Variants in RIOK1 observed in about 807,000 individuals in gnomAD.
The protein encoded by RIOK1 is serine/threonine-protein kinase RIO1.
A neutral mutation model predicts 73.5 loss-of-function variants in RIOK1; 66 were observed. The observed-to-expected ratio is 0.90, with a 90% CI of 0.74 to 1.10. RIOK1 has a LOEUF of 1.10. Ranked by LOEUF, RIOK1 falls within the 50% of genes least tolerant of loss-of-function variation. The pLI, the probability that RIOK1 is intolerant of heterozygous loss-of-function variation, is 0.00. For synonymous variants in RIOK1, 224 were observed against 226.8 expected, an observed-to-expected ratio of 0.99 and a Z score of 0.11; for missense variants, 658 against 699.8, an observed-to-expected ratio of 0.94 and a Z score of 0.67.
intron 3 of RIOK1, among the ~76,000 whole-genome samples, chr6:7,396,140 A>G (rs1185585282): frequency 1.3e-5 from 2 of 152,196 alleles, no homozygotes; most frequent in Non-Finnish European, 2.9e-5. Flanking sequence ...GTTCGATGCC[A>G]GGCATCAGAA....
In RIOK1 at chr6:7,394,803, A is replaced by G. The variant is rs371946445; in HGVS notation, c.277-250A>G. Among the ~76,000 whole-genome samples, 27 of 152,342 alleles carry G rather than the reference A, an allele frequency of 1.8e-4. No homozygotes were observed. The South Asian group carries it at 5.6e-3, about 32-fold the overall frequency. ...TACACTTAATTTTAATCTGTTACTT[A>G]TAATAAGAGGAATCATAGAGAAGTT... On this transcript the variant is annotated intron_variant, in intron 2 of 16. Transcript: ENST00000379834.
rs796477910 is a variant in RIOK1 at position 7,402,834 on chromosome 6, G to T, written c.704G>T (p.Cys235Phe). 1 of 1,613,404 alleles carries T rather than the reference G, an allele frequency of 6.2e-7. No homozygotes were observed. Among genetic ancestry groups the T allele is most frequent in the Admixed American group, 1.7e-5 (1 of 59,924 alleles). Residue 235 changes from cysteine to phenylalanine, a missense_variant, in exon 8 of 17, where the codon TGT becomes TTT. Cys to Phe is a radical substitution (Grantham distance 205, BLOSUM62 -2). Transcript: ENST00000379834. The stretch of plus-strand genomic sequence containing the variant: ...TATTCAAGATTTCGTCATGGCTATT[G>T]TAAAGGAAACCCTAGGAAAATGGTG... ...SGEFRFRHGY[C>F]KGNPRKMVKT...
rs578189827 is a variant in RIOK1, at chr6:7,404,978, A to G, written c.1053A>G (p.Pro351=). Residue 351 remains proline (P), a synonymous_variant, in exon 11 of 17, where the codon CCA becomes CCG. Transcript: ENST00000379834. Reference sequence around the variant, plus strand: ...CTCAGTCCGTGGAGCACGACCACCCACATGCCTTGGAGTTCTTGAGAAAGG... The same window carrying G: ...CTCAGTCCGTGGAGCACGACCACCCGCATGCCTTGGAGTTCTTGAGAAAGG... ...DVSQSVEHDH[P]HALEFLRKDC... is the part of the protein sequence containing the mutation. 12 of 1,614,082 alleles carry G rather than the reference A, an allele frequency of 7.4e-6. No individual in the cohort carries two copies. The highest frequency in any genetic ancestry group is 9.3e-6 in the Non-Finnish European group (11 of 1,180,034).
intron 15 of RIOK1, among the ~76,000 whole-genome samples, chr6:7,413,830 A>G (rs994038085): frequency 6.6e-6 from 1 of 152,172 alleles, no homozygotes; most frequent in Admixed American, 6.5e-5. Context: ...TTCCCTCCCA[A>G]TTGGATTAGT....
In RIOK1 at chr6:7,412,875, A is replaced by AT; in HGVS notation, c.1390-10dup. ...TGTTGATCCTTATTTTTTTTTTTTCATTTTGGTTATAAGATTCTATACCAG... is the reference window on the plus strand; with the variant it reads ...TGTTGATCCTTATTTTTTTTTTTTCATTTTTGGTTATAAGATTCTATACCAG... On this transcript the variant is annotated splice_polypyrimidine_tract_variant and intron_variant, in intron 14 of 16. Transcript: ENST00000379834. 1.4e-6 allele frequency: 2 copies of AT among 1,425,408 alleles called. No individual in the cohort carries two copies. The highest frequency in any genetic ancestry group is 9.4e-7 in the Non-Finnish European group (1 of 1,061,680). 88.3% of individuals were successfully genotyped at this position (1,425,408 alleles called of 1,614,324 possible).
chr6:7,391,878 G>A (rs1335544312), intron 1 of RIOK1, among the ~76,000 whole-genome samples: 2 of 152,180 alleles, frequency 1.3e-5, no homozygotes, highest in Non-Finnish European at 2.9e-5. Context: ...TGAAGTCCTG[G>A]TAAGTAGCAA....
At chr6:7,407,418 A>T (rs1310139673) in intron 12 of RIOK1, among the ~76,000 whole-genome samples, 4 of 151,522 alleles carry the variant, frequency 2.6e-5, no homozygotes, top group Non-Finnish European at 5.9e-5. Flanking sequence ...TGTTTCCCTG[A>T]TTACTAGTGA....
chr6:7,415,677 A>G (rs907023162), intron 16 of RIOK1, among the ~76,000 whole-genome samples: 2 of 152,236 alleles, frequency 1.3e-5, no homozygotes, highest in African/African-American at 4.8e-5. Flanking sequence ...CAAAGGTTTC[A>G]GCAAGGGTTC....
chr6:7,393,438 T>C (rs1581709966), intron 2 of RIOK1, 135 bp downstream of exon 2: 1 of 688,848 alleles, frequency 1.5e-6, no homozygotes, highest in African/African-American at 1.8e-5. Flanking sequence ...CCTCAGCCTT[T>C]ACTGATTTTC....
chr6:7,391,554 T>C (rs372912139), intron 1 of RIOK1, among the ~76,000 whole-genome samples: 34 of 152,278 alleles, frequency 2.2e-4, no homozygotes, highest in African/African-American at 7.5e-4. Context: ...GGGTAGTTAA[T>C]GGTAATGAGA....
At chr6:7,409,214 TGTGTGTGTG>T (rs1243252977) in intron 12 of RIOK1, among the ~76,000 whole-genome samples, 4 of 1,278 alleles carry the variant, frequency 3.1e-3, no homozygotes, top group East Asian at 0.048. Context: ...CCCGACTAAT[TGTGTGTGTG>T]TGTGTGTGTG....
At position 7,411,360 on chromosome 6, in the gene RIOK1, C is replaced by T. The variant is rs1561881184; in HGVS notation, c.1298C>T (p.Thr433Ile). 2 of 1,613,880 alleles carry T rather than the reference C, an allele frequency of 1.2e-6. No individual in the cohort carries two copies. The highest frequency in any genetic ancestry group is 2.2e-5 in the East Asian group (1 of 44,858). The change falls in exon 14 of 17, where the codon ACC becomes ATC. Residue 433 changes from threonine (T) to isoleucine (I), a missense_variant. Coordinates refer to ENST00000379834, the MANE Select transcript of RIOK1 (RefSeq NM_031480.3). ...TTTAAGCGAGCATATATTCCTAGAACCTTGAATGAAGTGAAAAATTATGAG... is the reference window on the plus strand; with the variant it reads ...TTTAAGCGAGCATATATTCCTAGAATCTTGAATGAAGTGAAAAATTATGAG... ...EVFKRAYIPR[T>I]LNEVKNYERD...
chr6:7,397,348 C>T (rs1173743618), intron 4 of RIOK1, among the ~76,000 whole-genome samples: 1 of 152,116 alleles, frequency 6.6e-6, no homozygotes, highest in African/African-American at 2.4e-5. Context: ...CAAATGTGTT[C>T]TTATGAGGGG....
intron 4 of RIOK1, among the ~76,000 whole-genome samples, chr6:7,397,276 A>G (rs1238672377): frequency 6.6e-6 from 1 of 152,188 alleles, no homozygotes; most frequent in South Asian, 2.1e-4. Context: ...AAATAAATAC[A>G]TAAAATAAAA....
At chr6:7,392,514 A>G (rs1429126343) in intron 1 of RIOK1, among the ~76,000 whole-genome samples, 1 of 151,398 alleles carries the variant, frequency 6.6e-6, no homozygotes, top group African/African-American at 2.4e-5. Context: ...TTTGTCAGAA[A>G]GCTTTTTTTT....
At chr6:7,411,521 G>T in intron 14 of RIOK1, 70 bp downstream of exon 14, 3 of 1,551,496 alleles carry the variant, frequency 1.9e-6, no homozygotes, top group Non-Finnish European at 2.6e-6. Context: ...AAACCTATCT[G>T]GGCCTTTTAA....
rs949328486 is a variant in RIOK1 at position 7,394,905 on chromosome 6, G to A, written c.277-148G>A. On this transcript the variant is annotated intron_variant, in intron 2 of 16. Transcript: ENST00000379834. ...TCAAATGCTCTTTAAAAAATTTTTTGAGCCAATTTGATTGACTCTTACCTT... is the reference window on the plus strand; with the variant it reads ...TCAAATGCTCTTTAAAAAATTTTTTAAGCCAATTTGATTGACTCTTACCTT... 3.7e-5 allele frequency: 46 copies of A among 1,248,004 alleles called. No individual in the cohort carries two copies. The African/African-American group carries it at 5.3e-4, about 14-fold the overall frequency. The allele number at this position is 1,248,004 out of a possible 1,614,324, so 77.3% of individuals were successfully genotyped here.
At chr6:7,404,874 G>A (rs1761705442) in intron 10 of RIOK1, 44 bp from the exon 11 acceptor site, 2 of 1,489,490 alleles carry the variant, frequency 1.3e-6, no homozygotes, top group East Asian at 2.3e-5. Flanking sequence ...GAAAAACATA[G>A]TAAAGTAATA....
At chr6:7,394,185 G>A (rs1310038352) in intron 2 of RIOK1, among the ~76,000 whole-genome samples, 2 of 152,204 alleles carry the variant, frequency 1.3e-5, no homozygotes, top group Admixed American at 6.5e-5. Flanking sequence ...TCTAATCCCA[G>A]CACTTTGGGA....
Sources: allele counts gnomAD v4.1 joint callset (sites outside exome capture counted in the v4.1 genomes callset), GRCh38; gene constraint gnomAD v4.1.1; transcripts MANE v1.5; gene names NCBI Gene and HGNC (gene_info 2026-07-23, HGNC 2026-07-21).